The following RBM19 variants were observed in gnomAD, a reference collection of about 807,000 sequenced individuals.
The protein encoded by RBM19 is RNA binding motif protein 19.
Under a neutral mutation model 116.8 loss-of-function variants are expected in RBM19, and 94 were observed. The ratio of observed to expected loss-of-function variants is 0.80; its 90% confidence interval spans 0.68 to 0.95. RBM19 has a LOEUF of 0.95. RBM19 is among the 40% of genes least tolerant of loss of function. RBM19 has a pLI of 0.00. For missense variants in RBM19, 1,161 were observed against 1,220.7 expected (o/e 0.95, Z 0.73); for synonymous variants, 475 against 494.1 (o/e 0.96, Z 0.51).
chr12:113,920,591 GC>G lies in RBM19; in HGVS notation c.2385+19del. The G allele has an allele frequency of 6.2e-7, 1 of 1,609,322 alleles. No individual in the cohort carries two copies. The highest frequency in any genetic ancestry group is 1.3e-5 in the African/African-American group (1 of 74,792). On this transcript the variant is annotated intron_variant, in intron 19 of 23. Transcript: ENST00000261741. ...CTGCCAAGTGCCTCCGTGGCCCTCA[GC>G]TGAGAATCTTCACTTTACCTGGAGC...
chr12:113,823,374 G>T, intron 23 of RBM19, 53 bp from the exon 24 acceptor site: 2 of 1,494,816 alleles, frequency 1.3e-6, no homozygotes, highest in Non-Finnish European at 9.2e-7. Flanking sequence ...AGAGGGTTGG[G>T]AGGCAGGAAG....
Position 113,880,061 on chromosome 12 carries a change from C to T in RBM19, c.2559-21165G>A, listed in dbSNP as rs559123956. 9.2e-5 allele frequency among the ~76,000 whole-genome samples: 14 copies of T among 151,396 alleles called. No individual in the cohort carries two copies. In the South Asian group the frequency reaches 2.1e-3, roughly 23 times the overall value. On this transcript the variant is annotated intron_variant, in intron 21 of 23. Coordinates refer to ENST00000261741, the MANE Select transcript of RBM19 (RefSeq NM_016196.4). ...TCCCCAAAGCCCGTCACTCTGGTCCCGGGGGTGGTGATGAAGGCCACTAGA... is the reference window on the plus strand; with the variant it reads ...TCCCCAAAGCCCGTCACTCTGGTCCTGGGGGTGGTGATGAAGGCCACTAGA...
At chr12:113,849,189 C>T (rs942897294) in intron 22 of RBM19, among the ~76,000 whole-genome samples, 1 of 152,258 alleles carries the variant, frequency 6.6e-6, no homozygotes, top group African/African-American at 2.4e-5. Context: ...CCAGAACCTG[C>T]TCCCTGCCCC....
rs761769823 is a variant in RBM19 at position 113,959,906 on chromosome 12, G to A, written c.340-3C>T. The A allele has an allele frequency of 3.7e-6, 6 of 1,614,124 alleles. No homozygotes were observed. The highest frequency in any genetic ancestry group is 3.3e-5 in the South Asian group (3 of 91,086). On this transcript the variant is annotated splice_region_variant and splice_polypyrimidine_tract_variant and intron_variant, in intron 3 of 23. Coordinates refer to ENST00000261741, the MANE Select transcript of RBM19 (RefSeq NM_016196.4). ...GCCACCTTTTTCTTCTTCTCATCCT[G>A]AAAACAGAAGGCACAGAGAGTGAGG...
rs1389131196 is a variant in RBM19 at position 113,945,986 on chromosome 12, A to G, written c.1530-62T>C. 7.0e-6 allele frequency: 10 copies of G among 1,428,520 alleles called. No homozygotes were observed. In the South Asian group the frequency reaches 1.2e-4, roughly 17 times the overall value. 88.5% of individuals were successfully genotyped at this position (1,428,520 alleles called of 1,614,324 possible). A position where few individuals can be genotyped will look rare whatever the true frequency, so the allele number is the denominator to read the frequency against. ...AGCTGGATGAGGGGAACTCGTTCTCAGACACGAATCCTGTAAGAAATGGGC... is the reference window on the plus strand; with the variant it reads ...AGCTGGATGAGGGGAACTCGTTCTCGGACACGAATCCTGTAAGAAATGGGC... On this transcript the variant is annotated intron_variant, in intron 12 of 23. Coordinates refer to ENST00000261741, the MANE Select transcript of RBM19 (RefSeq NM_016196.4).
At chr12:113,846,784 C>T (rs1877016884) in intron 22 of RBM19, among the ~76,000 whole-genome samples, 1 of 152,212 alleles carries the variant, frequency 6.6e-6, no homozygotes, top group South Asian at 2.1e-4. Context: ...GTGATCATGG[C>T]TCACTGCATC....
intron 21 of RBM19, among the ~76,000 whole-genome samples, chr12:113,889,451 A>G (rs1324103598): frequency 6.6e-6 from 1 of 152,160 alleles, no homozygotes; most frequent in African/African-American, 2.4e-5. Flanking sequence ...AGCCTGAGTC[A>G]ATCTGGGGAA....
chr12:113,858,390 G>A (rs1205981856), intron 22 of RBM19, among the ~76,000 whole-genome samples: 1 of 152,178 alleles, frequency 6.6e-6, no homozygotes, highest in Admixed American at 6.5e-5. Context: ...CTGCTTCTTG[G>A]GTGTCTCCTA....
chr12:113,841,799 C>A (rs963323222), intron 23 of RBM19, among the ~76,000 whole-genome samples: 1 of 152,148 alleles, frequency 6.6e-6, no homozygotes, highest in African/African-American at 2.4e-5. Flanking sequence ...GGCTCTACAG[C>A]CGGTCTGGAG....
At chr12:113,856,809 G>A (rs1877943275) in intron 22 of RBM19, among the ~76,000 whole-genome samples, 1 of 152,182 alleles carries the variant, frequency 6.6e-6, no homozygotes, top group Admixed American at 6.5e-5. Flanking sequence ...GTAGGGGCCA[G>A]GCCCTGTTCT....
chr12:113,826,360 G>A (rs762385903), intron 23 of RBM19, among the ~76,000 whole-genome samples: 4 of 152,240 alleles, frequency 2.6e-5, no homozygotes, highest in Non-Finnish European at 5.9e-5. Context: ...CCAATGCCCA[G>A]AACTGTGCCT....
At chr12:113,905,868 C>T (rs1882006995) in intron 21 of RBM19, among the ~76,000 whole-genome samples, 2 of 152,140 alleles carry the variant, frequency 1.3e-5, no homozygotes, top group Non-Finnish European at 1.5e-5. Flanking sequence ...TATTTGACTT[C>T]CTGAACTATC....
chr12:113,939,865 C>A, intron 15 of RBM19, 95 bp downstream of exon 15: 2 of 1,353,000 alleles, frequency 1.5e-6, no homozygotes. Flanking sequence ...TCCCATGTGC[C>A]ACATCTGTGA....
At chr12:113,872,214 G>A (rs536299844) in intron 21 of RBM19, among the ~76,000 whole-genome samples, 88 of 146,566 alleles carry the variant, frequency 6.0e-4, no homozygotes, top group African/African-American at 1.9e-3. Flanking sequence ...CTGCCCGGCC[G>A]AGACCCTGTC....
chr12:113,884,338 CTTTTTGCTA>C (rs1880384673), intron 21 of RBM19, among the ~76,000 whole-genome samples: 1 of 149,064 alleles, frequency 6.7e-6, no homozygotes, highest in African/African-American at 2.5e-5. Flanking sequence ...CACACACGTA[CTTTTTGCTA>C]AGACAGGTTG....
chr12:113,944,117 T>TGG (rs1555245462), intron 13 of RBM19, among the ~76,000 whole-genome samples: 22,935 of 102,434 alleles, frequency 0.22, 2,604 homozygotes, highest in South Asian at 0.32. Context: ...TTTTTTTTTT[T>TGG]GGGGCAGACT....
chr12:113,832,473 A>G (rs1211239577), intron 23 of RBM19, among the ~76,000 whole-genome samples: 3 of 152,314 alleles, frequency 2.0e-5, no homozygotes, highest in African/African-American at 7.2e-5. Flanking sequence ...TACAGGCATG[A>G]GCCGCCACTT....
intron 21 of RBM19, among the ~76,000 whole-genome samples, chr12:113,908,588 A>AAG (rs1414551827): frequency 6.9e-6 from 1 of 145,794 alleles, no homozygotes; most frequent in East Asian, 1.9e-4. Context: ...AAAAAAAAAA[A>AAG]AAAAAAAAAA....
intron 23 of RBM19, among the ~76,000 whole-genome samples, chr12:113,830,714 A>G (rs997547765): frequency 1.3e-5 from 2 of 152,122 alleles, no homozygotes; most frequent in African/African-American, 4.8e-5. Context: ...TGCAGAGGGA[A>G]AAGGGAAAAA....
Sources: allele counts gnomAD v4.1 joint callset (sites outside exome capture counted in the v4.1 genomes callset), GRCh38; gene constraint gnomAD v4.1.1; transcripts MANE v1.5; gene names NCBI Gene and HGNC (gene_info 2026-07-23, HGNC 2026-07-21).